Variants in GPC5 observed in about 807,000 individuals in gnomAD.
GPC5 encodes glypican-5.
In GPC5, 47 loss-of-function variants were observed where a neutral mutation model predicts 53.9. The ratio of observed to expected loss-of-function variants is 0.87; its 90% CI spans 0.69 to 1.11. The LOEUF (loss-of-function observed/expected upper bound fraction) is 1.11. Among genes scored for constraint, GPC5 ranks in the 50% most tolerant of loss-of-function variants. GPC5 has a pLI of 0.00. For missense variants in GPC5, 748 were observed against 713.1 expected (o/e 1.05, Z -0.56); for synonymous variants, 286 against 263.3 (o/e 1.09, Z -0.84).
chr13:91,863,910 T>C (rs935864319), intron 5 of GPC5, among the ~76,000 whole-genome samples: 6 of 152,224 alleles, frequency 3.9e-5, no homozygotes, highest in African/African-American at 1.2e-4. Flanking sequence ...AAATACATAA[T>C]TGAGTTATAT....
intron 6 of GPC5, among the ~76,000 whole-genome samples, chr13:91,939,257 T>C (rs1272833176): frequency 6.6e-6 from 1 of 152,152 alleles, no homozygotes; most frequent in African/African-American, 2.4e-5. Flanking sequence ...GCTACTAATC[T>C]GATAGCAAAT....
chr13:92,339,702 A>G (rs902648136), intron 7 of GPC5: 2 of 152,130 alleles, frequency 1.3e-5, no homozygotes, highest in African/African-American at 4.8e-5. Flanking sequence ...ACCACTGCAA[A>G]TGCTGTGCTA....
chr13:92,849,102 G>T (rs990558319), intron 7 of GPC5, among the ~76,000 whole-genome samples: 5 of 148,272 alleles, frequency 3.4e-5, no homozygotes, highest in Non-Finnish European at 3.0e-5. Context: ...ATGTTACATA[G>T]TCCCATCTAA....
intron 7 of GPC5, among the ~76,000 whole-genome samples, chr13:92,317,802 C>T (rs1448709921): frequency 6.6e-6 from 1 of 152,070 alleles, no homozygotes; most frequent in Non-Finnish European, 1.5e-5. Flanking sequence ...CACCCGGCCC[C>T]TTTTCTGTGT....
intron 6 of GPC5, among the ~76,000 whole-genome samples, chr13:92,125,157 A>C (rs1428940047): frequency 6.6e-6 from 1 of 152,180 alleles, no homozygotes; most frequent in Non-Finnish European, 1.5e-5. Flanking sequence ...CGGAGTCTAT[A>C]GCACAACACC....
At chr13:92,663,626 T>C (rs1886429318) in intron 7 of GPC5, among the ~76,000 whole-genome samples, 3 of 83,324 alleles carry the variant, frequency 3.6e-5, no homozygotes, top group Admixed American at 2.3e-4. Context: ...ACTATATATA[T>C]ACTATATATA....
chr13:92,436,925 T>C (rs1044110619), intron 7 of GPC5, among the ~76,000 whole-genome samples: 5 of 152,186 alleles, frequency 3.3e-5, no homozygotes, highest in African/African-American at 1.2e-4. Context: ...TACATTTTCA[T>C]TTAAAAGATT....
chr13:92,205,936 G>A (rs1340449884), intron 7 of GPC5, among the ~76,000 whole-genome samples: 1 of 150,786 alleles, frequency 6.6e-6, no homozygotes, highest in East Asian at 2.0e-4. Flanking sequence ...CAGCTAATCG[G>A]GAAGCTGAGG....
At chr13:92,208,849 C>G (rs2042355666) in intron 7 of GPC5, among the ~76,000 whole-genome samples, 1 of 152,168 alleles carries the variant, frequency 6.6e-6, no homozygotes, top group African/African-American at 2.4e-5. Flanking sequence ...TTCTAATTGA[C>G]ACAGAGAATG....
chr13:91,694,824 G>A (rs909870058), intron 3 of GPC5, among the ~76,000 whole-genome samples: 3 of 152,164 alleles, frequency 2.0e-5, no homozygotes, highest in African/African-American at 7.2e-5. Context: ...GGTCAGGCTG[G>A]TCTCGAACTC....
intron 7 of GPC5, among the ~76,000 whole-genome samples, chr13:92,717,997 G>C (rs1000558794): frequency 2.0e-5 from 3 of 151,594 alleles, no homozygotes; most frequent in African/African-American, 7.2e-5. Flanking sequence ...AAACTACAAT[G>C]AGATATCATC....
At chr13:91,556,536 A>T (rs2030959772) in intron 2 of GPC5, among the ~76,000 whole-genome samples, 1 of 151,288 alleles carries the variant, frequency 6.6e-6, no homozygotes, top group Non-Finnish European at 1.5e-5. Flanking sequence ...ATATATATAT[A>T]TAAAATGTGT....
At chr13:92,600,067 G>T (rs1422239592) in intron 7 of GPC5, among the ~76,000 whole-genome samples, 1 of 152,122 alleles carries the variant, frequency 6.6e-6, no homozygotes, top group Non-Finnish European at 1.5e-5. Flanking sequence ...TATTACTCTA[G>T]CTATCATGGC....
At chr13:92,514,695 T>C (rs529722355) in intron 7 of GPC5, among the ~76,000 whole-genome samples, 22 of 152,286 alleles carry the variant, frequency 1.4e-4, no homozygotes, top group African/African-American at 5.3e-4. Context: ...TCAAGAGAAA[T>C]GAGCCAGATG....
intron 5 of GPC5, among the ~76,000 whole-genome samples, chr13:91,898,774 A>G (rs2039468659): frequency 6.6e-6 from 1 of 152,110 alleles, no homozygotes; most frequent in East Asian, 1.9e-4. Flanking sequence ...GCAGTGCTAG[A>G]TTCTGTGACC....
At chr13:92,141,578 AT>A (rs1300614075) in intron 6 of GPC5, among the ~76,000 whole-genome samples, 1 of 152,146 alleles carries the variant, frequency 6.6e-6, no homozygotes, top group African/African-American at 2.4e-5. Context: ...AATGTGGCCC[AT>A]TTGAGGGTTA....
intron 7 of GPC5, among the ~76,000 whole-genome samples, chr13:92,339,276 G>A (rs1052977514): frequency 6.6e-6 from 1 of 151,646 alleles, no homozygotes; most frequent in African/African-American, 2.4e-5. Flanking sequence ...AATAAAGACA[G>A]TCCTCAGGGC....
At chr13:91,505,438 A>G (rs566731282) in intron 2 of GPC5, among the ~76,000 whole-genome samples, 4 of 152,300 alleles carry the variant, frequency 2.6e-5, no homozygotes, top group African/African-American at 9.6e-5. Context: ...CTCTTCCCCA[A>G]AATTTCTGTA....
At chr13:91,983,774 T>TA (rs1704390113) in intron 6 of GPC5, among the ~76,000 whole-genome samples, 3 of 152,272 alleles carry the variant, frequency 2.0e-5, no homozygotes, top group African/African-American at 7.2e-5. Context: ...AGGGGTGACA[T>TA]GGATGATCTG....
Sources: gnomAD v4.1 joint callset for allele counts (sites outside exome capture counted in the v4.1 genomes callset) on GRCh38, gnomAD v4.1.1 for gene constraint, MANE v1.5 for transcripts, NCBI Gene and HGNC (gene_info 2026-07-23, HGNC 2026-07-21) for gene names.